The following DIAPH3 variants were observed in gnomAD, a reference collection of about 807,000 sequenced individuals.
DIAPH3 encodes the protein diaphanous related formin 3, also known as protein diaphanous homolog 3.
DIAPH3 carries 117 observed loss-of-function variants against 144.3 expected under a neutral mutation model. The ratio of observed to expected loss-of-function variants is 0.81; its 90% CI spans 0.70 to 0.95. The LOEUF (loss-of-function observed/expected upper bound fraction) is 0.95. DIAPH3 is among the 40% of genes least tolerant of loss of function. DIAPH3 has a pLI of 0.00. For synonymous variants in DIAPH3, 519 were observed against 488.9 expected, an observed-to-expected ratio of 1.06 and a Z score of -0.81; for missense variants, 1,421 against 1,412.7, an observed-to-expected ratio of 1.01 and a Z score of -0.09.
rs376187555 is a variant in DIAPH3, at chr13:60,000,090, T to C, written c.1015-7507A>G. On this transcript the variant is annotated intron_variant, in intron 9 of 27. Transcript: ENST00000400324. ...TACTATGAGATACGGGTTAAGACCA[T>C]GTGTATGCCAGACACTGAAATACAT... 6.6e-5 allele frequency among the ~76,000 whole-genome samples: 10 copies of C among 152,306 alleles called. No homozygotes were observed. The East Asian group carries it at 1.2e-3, about 18-fold the overall frequency.
At chr13:60,041,997 G>A (rs953401641) in intron 5 of DIAPH3, among the ~76,000 whole-genome samples, 2 of 151,936 alleles carry the variant, frequency 1.3e-5, no homozygotes, top group African/African-American at 4.8e-5. Flanking sequence ...TAACAAGTCT[G>A]TCTCCTACCA....
chr13:59,914,643 G>A (rs961613499), intron 19 of DIAPH3, among the ~76,000 whole-genome samples: 5 of 152,110 alleles, frequency 3.3e-5, no homozygotes, highest in African/African-American at 4.8e-5. Context: ...AGAGTTGGAC[G>A]GAGATGTGAC....
intron 25 of DIAPH3, among the ~76,000 whole-genome samples, chr13:59,807,043 A>C (rs1478236927): frequency 1.3e-5 from 2 of 151,866 alleles, no homozygotes; most frequent in Admixed American, 1.3e-4. Context: ...AAAAAAGTTG[A>C]CTGTATTATT....
chr13:59,873,078 G>C (rs960703581), intron 21 of DIAPH3, among the ~76,000 whole-genome samples: 1 of 152,218 alleles, frequency 6.6e-6, no homozygotes, highest in African/African-American at 2.4e-5. Context: ...ATGTGTTAAT[G>C]AATGAGTCAA....
At chr13:59,852,096 T>C (rs2043009058) in intron 22 of DIAPH3, among the ~76,000 whole-genome samples, 1 of 152,154 alleles carries the variant, frequency 6.6e-6, no homozygotes, top group Admixed American at 6.5e-5. Context: ...TAATTAACAC[T>C]AGCTCTTTTT....
At chr13:59,972,029 G>A (rs1326800108) in intron 15 of DIAPH3, among the ~76,000 whole-genome samples, 4 of 152,192 alleles carry the variant, frequency 2.6e-5, no homozygotes, top group Admixed American at 2.6e-4. Flanking sequence ...TTATCTCTTT[G>A]ACAGATCATA....
chr13:59,973,840 G>C (rs190885982), intron 15 of DIAPH3, among the ~76,000 whole-genome samples: 341 of 152,104 alleles, frequency 2.2e-3, no homozygotes, highest in Non-Finnish European at 2.5e-3. Context: ...TATGTGTAGA[G>C]GGTGCATGGG....
chr13:59,895,880 C>A (rs536482212), intron 20 of DIAPH3, among the ~76,000 whole-genome samples: 38 of 152,288 alleles, frequency 2.5e-4, no homozygotes, highest in African/African-American at 8.9e-4. Flanking sequence ...ACAGGGGAAT[C>A]CTCTCCCATT....
At chr13:59,683,454 G>C (rs1232354056) in intron 27 of DIAPH3, among the ~76,000 whole-genome samples, 3 of 151,976 alleles carry the variant, frequency 2.0e-5, no homozygotes. Flanking sequence ...ATGAATGAAG[G>C]GAACATAAGC....
chr13:59,971,627 A>G (rs1323912964), intron 15 of DIAPH3, among the ~76,000 whole-genome samples: 1 of 152,226 alleles, frequency 6.6e-6, no homozygotes, highest in Non-Finnish European at 1.5e-5. Context: ...AAAGAACTTA[A>G]ATGGTATTGC....
At chr13:59,975,877 C>T (rs1233865707) in intron 14 of DIAPH3, among the ~76,000 whole-genome samples, 1 of 151,940 alleles carries the variant, frequency 6.6e-6, no homozygotes, top group Non-Finnish European at 1.5e-5. Context: ...ACTACGGCTC[C>T]TACAAACCCC....
intron 27 of DIAPH3, among the ~76,000 whole-genome samples, chr13:59,739,796 A>G (rs2036354093): frequency 6.6e-6 from 1 of 152,158 alleles, no homozygotes; most frequent in African/African-American, 2.4e-5. Flanking sequence ...CCTGAAAAAT[A>G]CACAAGAGTA....
At chr13:60,003,387 CAG>C (rs2052639523) in intron 9 of DIAPH3, among the ~76,000 whole-genome samples, 1 of 151,588 alleles carries the variant, frequency 6.6e-6, no homozygotes, top group Non-Finnish European at 1.5e-5. Context: ...TTAAATTACC[CAG>C]AGTGATTATG....
intron 4 of DIAPH3, among the ~76,000 whole-genome samples, chr13:60,072,272 TA>T (rs1368286798): frequency 3.3e-5 from 5 of 152,226 alleles, no homozygotes; most frequent in African/African-American, 1.2e-4. Context: ...CCACTGTACC[TA>T]TAGATGTAGA....
chr13:59,796,160 T>C (rs2039589475), intron 25 of DIAPH3, among the ~76,000 whole-genome samples: 1 of 152,288 alleles, frequency 6.6e-6, no homozygotes, highest in African/African-American at 2.4e-5. Context: ...TTACCATCTG[T>C]GAGAAGCTTA....
intron 4 of DIAPH3, among the ~76,000 whole-genome samples, chr13:60,048,091 AGAG>A (rs2056169568): frequency 6.6e-6 from 1 of 152,238 alleles, no homozygotes; most frequent in African/African-American, 2.4e-5. Context: ...TTGCATCATA[AGAG>A]AAGAACACAA....
chr13:59,721,403 AC>A (rs2035336323), intron 27 of DIAPH3, among the ~76,000 whole-genome samples: 1 of 152,164 alleles, frequency 6.6e-6, no homozygotes, highest in Non-Finnish European at 1.5e-5. Context: ...CATTTATTGC[AC>A]TGGGATTTTT....
At chr13:59,741,229 T>A (rs958528591) in intron 27 of DIAPH3, among the ~76,000 whole-genome samples, 26 of 152,336 alleles carry the variant, frequency 1.7e-4, no homozygotes, top group African/African-American at 5.3e-4. Flanking sequence ...TTCTTGAGTT[T>A]TCTTTCTTTA....
At chr13:59,966,517 A>G (rs866932537) in intron 17 of DIAPH3, among the ~76,000 whole-genome samples, 6 of 152,154 alleles carry the variant, frequency 3.9e-5, no homozygotes, top group South Asian at 2.1e-4. Flanking sequence ...AATATCTGAT[A>G]TAGATATTAG....
Sources: allele counts gnomAD v4.1 joint callset (sites outside exome capture counted in the v4.1 genomes callset), GRCh38; gene constraint gnomAD v4.1.1; transcripts MANE v1.5; gene names NCBI Gene and HGNC (gene_info 2026-07-23, HGNC 2026-07-21).